RBFOX1: variants seen among roughly 807,000 people sequenced by gnomAD.
RBFOX1 encodes the protein RNA binding protein fox-1 homolog 1.
In RBFOX1, 8 loss-of-function variants were observed where a neutral mutation model predicts 57.7. The observed-to-expected ratio is 0.14, with a 90% CI of 0.08 to 0.25. The LOEUF (loss-of-function observed/expected upper bound fraction) is 0.25. Ranked by LOEUF, RBFOX1 falls within the 10% of genes least tolerant of loss-of-function variation. RBFOX1 has a pLI of 1.00. For synonymous variants in RBFOX1, 326 were observed against 222.4 expected, an observed-to-expected ratio of 1.47 and a Z score of -4.15; for missense variants, 611 against 548.5, an observed-to-expected ratio of 1.11 and a Z score of -1.14.
At chr16:7,299,620 G>A (rs1057063150) in intron 4 of RBFOX1, among the ~76,000 whole-genome samples, 1 of 152,250 alleles carries the variant, frequency 6.6e-6, no homozygotes, top group Non-Finnish European at 1.5e-5. Context: ...CTCTGACTCA[G>A]TGTGGAGTGA....
At chr16:6,943,212 A>G (rs1160487384) in intron 3 of RBFOX1, among the ~76,000 whole-genome samples, 3 of 152,172 alleles carry the variant, frequency 2.0e-5, no homozygotes, top group East Asian at 3.9e-4. Flanking sequence ...TGCTTTGCCT[A>G]TAAGGTTATA....
At chr16:5,750,741 C>G (rs757555251) in intron 3 of RBFOX1, among the ~76,000 whole-genome samples, 6 of 152,122 alleles carry the variant, frequency 3.9e-5, no homozygotes, top group Admixed American at 6.5e-5. Flanking sequence ...GGGAGTGACC[C>G]AATTTTCCAG....
intron 2 of RBFOX1, among the ~76,000 whole-genome samples, chr16:5,578,848 T>TCCC: frequency 8.8e-6 from 1 of 113,522 alleles, no homozygotes; most frequent in Non-Finnish European, 1.8e-5. Flanking sequence ...CACACCCTTT[T>TCCC]TTTTTTTTTT....
intron 2 of RBFOX1, among the ~76,000 whole-genome samples, chr16:5,544,189 G>A (rs947189143): frequency 1.3e-5 from 2 of 152,138 alleles, no homozygotes; most frequent in African/African-American, 4.8e-5. Flanking sequence ...CATTAAACCA[G>A]TCTCAATAAT....
At chr16:7,461,671 C>T (rs2059610401) in intron 4 of RBFOX1, among the ~76,000 whole-genome samples, 3 of 152,302 alleles carry the variant, frequency 2.0e-5, no homozygotes, top group East Asian at 3.9e-4. Context: ...ACCCCATTCA[C>T]TGGGTTGAGC....
intron 4 of RBFOX1, among the ~76,000 whole-genome samples, chr16:7,456,359 G>A (rs1466770196): frequency 6.6e-6 from 1 of 152,156 alleles, no homozygotes; most frequent in Non-Finnish European, 1.5e-5. Flanking sequence ...TTAATGTATA[G>A]TCACCCAAGT....
rs1443665694 is a variant in RBFOX1, at chr16:5,548,169, AAAAAAATAT to A, written c.259-50731_259-50723del. 1.5e-3 allele frequency among the ~76,000 whole-genome samples: 63 copies of A among 43,094 alleles called. No individual in the cohort carries two copies. In the East Asian group the frequency reaches 0.034, roughly 23 times the overall value. The allele number at this position is 43,094 out of a possible 152,430, so 28.3% of individuals were successfully genotyped here. ...GAGCAAGACTCTGTTAAAAAAAAAA[AAAAAAATAT>A]ATATATATATATATATATATATATA... is the stretch of plus-strand genomic sequence containing the variant. On this transcript the variant is annotated intron_variant, in intron 2 of 2. Coordinates refer to the RBFOX1 transcript ENST00000585867.
At chr16:5,640,551 C>G (rs548531025) in intron 3 of RBFOX1, among the ~76,000 whole-genome samples, 1 of 151,192 alleles carries the variant, frequency 6.6e-6, no homozygotes, top group African/African-American at 2.4e-5. Context: ...CACATACATG[C>G]ATGCCATGCA....
At chr16:6,598,396 G>T (rs944226837) in intron 2 of RBFOX1, among the ~76,000 whole-genome samples, 1 of 152,164 alleles carries the variant, frequency 6.6e-6, no homozygotes, top group African/African-American at 2.4e-5. Flanking sequence ...GATGTGAATT[G>T]ATTGGCCAGT....
chr16:6,454,825 T>G (rs948805732), intron 2 of RBFOX1, among the ~76,000 whole-genome samples: 3 of 148,806 alleles, frequency 2.0e-5, no homozygotes, highest in Admixed American at 6.8e-5. Context: ...CCGTCCCCTA[T>G]TATTCTCTCA....
At chr16:5,539,543 G>C (rs1018761800) in intron 2 of RBFOX1, among the ~76,000 whole-genome samples, 1 of 152,086 alleles carries the variant, frequency 6.6e-6, no homozygotes, top group Non-Finnish European at 1.5e-5. Flanking sequence ...GGAGGTTATA[G>C]TGAGCCAAGA....
At chr16:7,408,360 TA>T (rs1568693825) in intron 4 of RBFOX1, among the ~76,000 whole-genome samples, 1 of 152,204 alleles carries the variant, frequency 6.6e-6, no homozygotes, top group Non-Finnish European at 1.5e-5. Flanking sequence ...TTTGAAATTT[TA>T]AAAAATGTTA....
At chr16:6,321,881 C>A (rs540192000) in intron 2 of RBFOX1, among the ~76,000 whole-genome samples, 1 of 152,184 alleles carries the variant, frequency 6.6e-6, no homozygotes. Flanking sequence ...ATAATAGACT[C>A]CAGATCTATC....
chr16:6,734,685 G>T (rs1231660375), intron 3 of RBFOX1, among the ~76,000 whole-genome samples: 1 of 152,084 alleles, frequency 6.6e-6, no homozygotes, highest in African/African-American at 2.4e-5. Context: ...TATCTTATTT[G>T]TGAGGGAAGA....
At chr16:7,308,425 C>G (rs1386218098) in intron 4 of RBFOX1, among the ~76,000 whole-genome samples, 1 of 152,058 alleles carries the variant, frequency 6.6e-6, no homozygotes, top group Non-Finnish European at 1.5e-5. Flanking sequence ...ATCTGTCAAG[C>G]CCTATCCACT....
intron 2 of RBFOX1, among the ~76,000 whole-genome samples, chr16:5,571,829 C>T (rs751238996): frequency 2.0e-5 from 3 of 152,212 alleles, no homozygotes; most frequent in Admixed American, 2.0e-4. Context: ...CAAATATAGT[C>T]TTTTGTCTTT....
intron 3 of RBFOX1, among the ~76,000 whole-genome samples, chr16:6,826,697 C>G (rs2092189995): frequency 6.6e-6 from 1 of 151,964 alleles, no homozygotes; most frequent in South Asian, 2.1e-4. Flanking sequence ...GAGGACTAAC[C>G]CTAAGACCAG....
At chr16:7,547,477 C>A (rs545913838) in intron 5 of RBFOX1, among the ~76,000 whole-genome samples, 1 of 152,290 alleles carries the variant, frequency 6.6e-6, no homozygotes, top group South Asian at 2.1e-4. Flanking sequence ...GATCATCTGA[C>A]TGGGGCATTT....
intron 2 of RBFOX1, among the ~76,000 whole-genome samples, chr16:6,441,239 G>A (rs2094373439): frequency 2.0e-5 from 3 of 152,098 alleles, no homozygotes; most frequent in African/African-American, 4.8e-5. Context: ...GGTTCTAAGG[G>A]AGGCAGGTGA....
Sources: allele counts gnomAD v4.1 joint callset (sites outside exome capture counted in the v4.1 genomes callset), GRCh38; gene constraint gnomAD v4.1.1; transcripts MANE v1.5; gene names NCBI Gene and HGNC (gene_info 2026-07-23, HGNC 2026-07-21).